PKP4: variants seen among roughly 807,000 people sequenced by gnomAD.
PKP4 encodes the protein plakophilin 4, also known as plakophilin-4.
PKP4 carries 90 observed loss-of-function variants against 145.1 expected under a neutral mutation model. The ratio of observed to expected loss-of-function variants is 0.62; its 90% CI spans 0.52 to 0.74. The LOEUF is 0.74. Among genes scored for constraint, PKP4 ranks in the 30% least tolerant of loss-of-function variants. The pLI, the probability that PKP4 is intolerant of heterozygous loss-of-function variation, is 0.00. For missense variants in PKP4, 1,340 were observed against 1,482.7 expected (o/e 0.90, Z 1.58); for synonymous variants, 563 against 577.2 (o/e 0.98, Z 0.35).
At position 158,466,199 on chromosome 2, in the gene PKP4, G is replaced by C. The variant is rs992464472; in HGVS notation, c.-6+8981G>C. Among the ~76,000 whole-genome samples the C allele has an allele frequency of 4.3e-4, 65 of 152,104 alleles. 1 individual carries two copies. Among genetic ancestry groups the C allele is most frequent in the Non-Finnish European group, 2.9e-5 (2 of 68,012 alleles). On this transcript the variant is annotated intron_variant, in intron 1 of 21. Coordinates refer to ENST00000389759, the MANE Select transcript of PKP4 (RefSeq NM_003628.6). The stretch of plus-strand genomic sequence containing the variant: ...AGTGAATGAATGAGTTTGAATTCTA[G>C]TTTTGAACACCTTCACCTGCTACTC...
rs559798553 is a variant in PKP4 at position 158,503,395 on chromosome 2, A to G, written c.-5-29785A>G. Among the ~76,000 whole-genome samples the G allele has an allele frequency of 3.9e-5, 6 of 152,368 alleles. 1 individual carries two copies. The South Asian group carries it at 1.2e-3, about 32-fold the overall frequency. The stretch of plus-strand genomic sequence containing the variant: ...AAAATATTTTGATAATTTATAAACA[A>G]ATACTTCCATGGCTAAGGAAACTTG... On this transcript the variant is annotated intron_variant, in intron 1 of 21. Coordinates refer to ENST00000389759, the MANE Select transcript of PKP4 (RefSeq NM_003628.6).
At position 158,661,459 on chromosome 2, in the gene PKP4, C is replaced by T. The variant is rs377008963; in HGVS notation, c.2211+9C>T. On this transcript the variant is annotated intron_variant, in intron 13 of 21. Coordinates refer to ENST00000389759, the MANE Select transcript of PKP4 (RefSeq NM_003628.6). ...CCGATTACGACAGCAAGGTCAGTGC[C>T]GGCCTGGTTGCAGGAGGGCGTGGTG... The T allele has an allele frequency of 6.6e-5, 104 of 1,575,646 alleles. No homozygotes were observed. Among genetic ancestry groups the T allele is most frequent in the Non-Finnish European group, 8.3e-5 (95 of 1,146,036 alleles).
At chr2:158,608,018 A>C (rs1354657638) in intron 4 of PKP4, among the ~76,000 whole-genome samples, 1 of 152,224 alleles carries the variant, frequency 6.6e-6, no homozygotes, top group African/African-American at 2.4e-5. Context: ...GACTATAGTC[A>C]ATAATTTAAT....
At chr2:158,478,301 T>C (rs1393769741) in intron 1 of PKP4, among the ~76,000 whole-genome samples, 2 of 151,980 alleles carry the variant, frequency 1.3e-5, no homozygotes, top group Non-Finnish European at 2.9e-5. Flanking sequence ...GTTTCTCCCA[T>C]TCAGTGAGTT....
At chr2:158,533,134 A>C in intron 1 of PKP4, 46 bp from the exon 2 acceptor site, 1 of 1,544,650 alleles carries the variant, frequency 6.5e-7, no homozygotes, top group Non-Finnish European at 8.7e-7. Flanking sequence ...GGTTCCTGCA[A>C]GGGAGCCCAG....
intron 1 of PKP4, among the ~76,000 whole-genome samples, chr2:158,477,521 A>G (rs1356707660): frequency 1.3e-5 from 2 of 152,248 alleles, no homozygotes; most frequent in African/African-American, 4.8e-5. Context: ...CCGTTGAGTT[A>G]GTAATTATGG....
At chr2:158,667,485 AAGG>A (rs2105996374) in intron 16 of PKP4, among the ~76,000 whole-genome samples, 1 of 152,244 alleles carries the variant, frequency 6.6e-6, no homozygotes, top group African/African-American at 2.4e-5. Flanking sequence ...GTCAGGGGAG[AAGG>A]AGGGGAAATG....
At chr2:158,615,803 A>G (rs1399572299) in intron 4 of PKP4, among the ~76,000 whole-genome samples, 1 of 152,236 alleles carries the variant, frequency 6.6e-6, no homozygotes, top group Admixed American at 6.5e-5. Flanking sequence ...TTTAAAGTGA[A>G]GTAGAAGATA....
Position 158,617,270 on chromosome 2 carries a change from G to A in PKP4, c.281-3720G>A, listed in dbSNP as rs369720882. ...ACATTTTCGAAGATGCTAATTTGAT[G>A]TTTGAAAGTTCCCCATAGTATATTT... On this transcript the variant is annotated intron_variant, in intron 4 of 21. Transcript: ENST00000389759. Among the ~76,000 whole-genome samples, 107 of 151,718 alleles carry A rather than the reference G, an allele frequency of 7.1e-4. 3 individuals are homozygous for A. The South Asian group carries it at 0.021, about 30-fold the overall frequency.
chr2:158,673,574 T>C, intron 17 of PKP4, 103 bp from the exon 18 acceptor site: 1 of 835,756 alleles, frequency 1.2e-6, no homozygotes, highest in Non-Finnish European at 2.1e-6. Context: ...CCTGTGGCCC[T>C]GAGAGCGATG....
chr2:158,615,870 TAAAA>T (rs1306120180), intron 4 of PKP4, among the ~76,000 whole-genome samples: 1 of 152,122 alleles, frequency 6.6e-6, no homozygotes, highest in Non-Finnish European at 1.5e-5. Context: ...TTTAGACGGG[TAAAA>T]TTTTTAGAGC....
chr2:158,496,790 G>GTGTGTC (rs1553545780), intron 1 of PKP4, among the ~76,000 whole-genome samples: 7 of 149,954 alleles, frequency 4.7e-5, no homozygotes, highest in African/African-American at 1.5e-4. Context: ...GTGTGTGTGT[G>GTGTGTC]TGTGTCTGTG....
At position 158,577,389 on chromosome 2, in the gene PKP4, G is replaced by C. The variant is rs2047945857; in HGVS notation, c.245+6G>C. On this transcript the variant is annotated splice_donor_region_variant and intron_variant, in intron 3 of 21. Transcript: ENST00000389759. ...CCAAGCATCGCCAGCACCAGGTACA[G>C]GGCCAATGGCTCCATCTTTATGCAC... 1 of 1,571,434 alleles carries C rather than the reference G, an allele frequency of 6.4e-7. No homozygotes were observed. Among genetic ancestry groups the C allele is most frequent in the Admixed American group, 1.7e-5 (1 of 59,312 alleles).
At chr2:158,507,509 AC>A (rs1443146036) in intron 1 of PKP4, among the ~76,000 whole-genome samples, 1 of 152,172 alleles carries the variant, frequency 6.6e-6, no homozygotes, top group Non-Finnish European at 1.5e-5. Context: ...TTCATCTGGC[AC>A]TTTGCCAGTT....
rs182424877 is a variant in PKP4 at position 158,562,545 on chromosome 2, T to A, written c.133-14726T>A. Reference sequence around the variant, plus strand: ...TGGGATGATGAAAAAGTTCTGGAGATGGATGATGGTGATGGTTGCACAACA... The same window carrying A: ...TGGGATGATGAAAAAGTTCTGGAGAAGGATGATGGTGATGGTTGCACAACA... On this transcript the variant is annotated intron_variant, in intron 2 of 21. Coordinates refer to ENST00000389759, the MANE Select transcript of PKP4 (RefSeq NM_003628.6). Among the ~76,000 whole-genome samples, 76 of 152,264 alleles carry A rather than the reference T, an allele frequency of 5.0e-4. 1 individual carries two copies. Among genetic ancestry groups the A allele is most frequent in the Admixed American group, 4.8e-3 (74 of 15,298 alleles).
intron 2 of PKP4, among the ~76,000 whole-genome samples, chr2:158,556,491 A>G (rs1198030639): frequency 6.6e-6 from 1 of 151,124 alleles, no homozygotes; most frequent in Admixed American, 6.6e-5. Context: ...AGAAATACGG[A>G]TAGATAAATG....
At chr2:158,467,962 G>GAA (rs1389701903) in intron 1 of PKP4, among the ~76,000 whole-genome samples, 4 of 152,206 alleles carry the variant, frequency 2.6e-5, no homozygotes, top group Non-Finnish European at 5.9e-5. Flanking sequence ...GTTGCTGCGT[G>GAA]TATCGATAGT....
At chr2:158,678,826 G>A (rs564623410) in intron 21 of PKP4, 172 bp downstream of exon 21, 13 of 629,538 alleles carry the variant, frequency 2.1e-5, no homozygotes, top group East Asian at 5.5e-5. Context: ...GCATTTCCAC[G>A]GTAGCCTCAC....
At chr2:158,460,522 C>T (rs1689602513) in intron 1 of PKP4, among the ~76,000 whole-genome samples, 1 of 152,088 alleles carries the variant, frequency 6.6e-6, no homozygotes, top group Non-Finnish European at 1.5e-5. Context: ...AATATTCATA[C>T]CCTGGATGAT....
Sources: allele counts gnomAD v4.1 joint callset (sites outside exome capture counted in the v4.1 genomes callset), GRCh38; gene constraint gnomAD v4.1.1; transcripts MANE v1.5; gene names NCBI Gene and HGNC (gene_info 2026-07-23, HGNC 2026-07-21).